Variants in SLC35A1 observed in about 807,000 individuals in gnomAD.
The protein encoded by SLC35A1 is CMP-sialic acid transporter.
In SLC35A1, 21 loss-of-function variants were observed where a neutral mutation model predicts 40.3. The observed-to-expected ratio is 0.52, with a 90% CI of 0.37 to 0.75. The LOEUF is 0.75. SLC35A1 is among the 30% of genes least tolerant of loss of function. The pLI, the probability that SLC35A1 is intolerant of heterozygous loss-of-function variation, is 0.00. For missense variants in SLC35A1, 297 were observed against 382.1 expected, an observed-to-expected ratio of 0.78 and a Z score of 1.86; for synonymous variants, 146 against 147.3, an observed-to-expected ratio of 0.99 and a Z score of 0.06.
Position 87,492,441 on chromosome 6 carries a change from GT to G in SLC35A1, c.195-8060del, listed in dbSNP as rs373941857. On this transcript the variant is annotated intron_variant, in intron 2 of 7. Transcript: ENST00000369552. ...ATTGAGTTTTATGATTAAATTTAGG[GT>G]TTTTTTGGGTCAGGGATATCATAGA... Among the ~76,000 whole-genome samples the G allele has an allele frequency of 1.1e-4, 16 of 151,010 alleles. No individual in the cohort carries two copies. In the South Asian group the frequency reaches 1.5e-3, roughly 14 times the overall value.
At chr6:87,507,225 A>T (rs1256449531) in intron 5 of SLC35A1, among the ~76,000 whole-genome samples, 1 of 152,202 alleles carries the variant, frequency 6.6e-6, no homozygotes, top group Non-Finnish European at 1.5e-5. Context: ...ATTTTTGACT[A>T]GGAAAGCAGG....
intron 2 of SLC35A1, among the ~76,000 whole-genome samples, chr6:87,493,371 A>G (rs1769615371): frequency 6.6e-6 from 1 of 152,162 alleles, no homozygotes; most frequent in Non-Finnish European, 1.5e-5. Flanking sequence ...TGGTATACAC[A>G]TTGATACTGG....
intron 5 of SLC35A1, among the ~76,000 whole-genome samples, chr6:87,507,574 T>A (rs776863222): frequency 2.8e-4 from 43 of 152,186 alleles, no homozygotes; most frequent in Non-Finnish European, 5.6e-4. Flanking sequence ...TATTTTATGT[T>A]CCCATTCCAA....
rs1362481874 is a variant in SLC35A1, at chr6:87,477,517, C to G, written c.172C>G (p.Leu58Val). Residue 58 changes from leucine to valine, a missense_variant, in exon 2 of 8, where the codon CTA becomes GTA. Physicochemically the swap from Leu to Val is conservative, Grantham distance 32 (BLOSUM62 1). Coordinates refer to ENST00000369552, the MANE Select transcript of SLC35A1 (RefSeq NM_006416.5). The stretch of plus-strand genomic sequence containing the variant: ...TATCACAGAAGTTATAAAGTTATTG[C>G]TAAGTGTGGGAATTTTAGCTAAGTG... Reference protein sequence around the residue: ...VCITEVIKLLLSVGILAKETG... With the variant: ...VCITEVIKLLVSVGILAKETG... The G allele has an allele frequency of 6.2e-7, 1 of 1,613,808 alleles. No individual in the cohort carries two copies. The highest frequency in any genetic ancestry group is 1.1e-5 in the South Asian group (1 of 91,072).
chr6:87,483,615 T>TCAACCCCTCAAACCAGGG (rs1433343663), intron 2 of SLC35A1, among the ~76,000 whole-genome samples: 1 of 152,078 alleles, frequency 6.6e-6, no homozygotes, highest in Non-Finnish European at 1.5e-5. Context: ...CCTGGAAGAC[T>TCAACCCCTCAAACCAGGG]CAACCCCTCA....
chr6:87,502,380 ATG>A (rs1769946333), intron 4 of SLC35A1, among the ~76,000 whole-genome samples: 1 of 152,208 alleles, frequency 6.6e-6, no homozygotes, highest in Admixed American at 6.5e-5. Context: ...TTAACAAAGA[ATG>A]TAAGTTCAGG....
At position 87,477,374 on chromosome 6, in the gene SLC35A1, T is replaced by C. The variant is rs780420730; in HGVS notation, c.29T>C (p.Leu10Ser). The C allele has an allele frequency of 1.7e-5, 27 of 1,613,292 alleles. No homozygotes were observed. In the East Asian group the frequency reaches 6.0e-4, roughly 36 times the overall value. ...ACGTATTTTCCAGACAATGTCACTT[T>C]ATTATTCAAGTTATACTGCTTGGCA... MAAPRDNVT[L>S]LFKLYCLAVM... The change falls in exon 2 of 8, where the codon TTA becomes TCA. Residue 10 changes from leucine to serine, a missense_variant. Leu to Ser is a moderately radical substitution (Grantham distance 145). Transcript: ENST00000369552.
chr6:87,485,627 G>A (rs1769369402), intron 2 of SLC35A1, among the ~76,000 whole-genome samples: 1 of 152,120 alleles, frequency 6.6e-6, no homozygotes, highest in Non-Finnish European at 1.5e-5. Context: ...GCTGGGTGTA[G>A]TGGTGTGTGG....
intron 2 of SLC35A1, among the ~76,000 whole-genome samples, chr6:87,491,201 T>C (rs1446906812): frequency 6.6e-6 from 1 of 152,214 alleles, no homozygotes; most frequent in Non-Finnish European, 1.5e-5. Context: ...ATCCCAAATC[T>C]GAAAACCTGA....
intron 2 of SLC35A1, among the ~76,000 whole-genome samples, chr6:87,485,644 T>G (rs1276476534): frequency 1.3e-5 from 2 of 152,032 alleles, no homozygotes; most frequent in Admixed American, 6.6e-5. Flanking sequence ...GTGGCTGTAG[T>G]CACAGCTACC....
chr6:87,492,254 T>C (rs1769575894), intron 2 of SLC35A1, among the ~76,000 whole-genome samples: 1 of 152,116 alleles, frequency 6.6e-6, no homozygotes, highest in African/African-American at 2.4e-5. Context: ...TATAGCAAAA[T>C]AGTTATTTTT....
intron 1 of SLC35A1, among the ~76,000 whole-genome samples, chr6:87,474,952 A>G (rs138405065): frequency 2.9e-4 from 44 of 152,288 alleles, no homozygotes; most frequent in African/African-American, 9.9e-4. Flanking sequence ...TTAAATATTC[A>G]CTTTGTTGTT....
intron 2 of SLC35A1, among the ~76,000 whole-genome samples, chr6:87,496,792 A>C (rs1262637783): frequency 1.7e-5 from 1 of 58,658 alleles, no homozygotes. Context: ...AAAAAAAAAA[A>C]AAGAAAAACC....
At chr6:87,494,955 G>C (rs1246909065) in intron 2 of SLC35A1, among the ~76,000 whole-genome samples, 2 of 151,804 alleles carry the variant, frequency 1.3e-5, no homozygotes, top group African/African-American at 2.4e-5. Flanking sequence ...ATATTGCCTT[G>C]GAACAAAGGA....
At position 87,495,816 on chromosome 6, in the gene SLC35A1, C is replaced by T. The variant is rs111752499; in HGVS notation, c.195-4692C>T. 6.1e-3 allele frequency among the ~76,000 whole-genome samples: 929 copies of T among 152,000 alleles called. 10 individuals are homozygous for T. Among genetic ancestry groups the T allele is most frequent in the African/African-American group, 0.02 (844 of 41,452 alleles). On this transcript the variant is annotated intron_variant, in intron 2 of 7. Transcript: ENST00000369552. ...GACTACAGGTGCATGCCACCACGCC[C>T]GGCTAATTTTTTGTATTTTTAGTAG...
chr6:87,506,911 G>C (rs558155787), intron 5 of SLC35A1: 1 of 178,034 alleles, frequency 5.6e-6, no homozygotes, highest in South Asian at 1.3e-4. Flanking sequence ...ATCATGAGGT[G>C]GGTCGAGAGT....
intron 2 of SLC35A1, among the ~76,000 whole-genome samples, chr6:87,482,013 C>T (rs1318119091): frequency 6.6e-6 from 1 of 152,172 alleles, no homozygotes; most frequent in East Asian, 1.9e-4. Flanking sequence ...ACACCTTGCA[C>T]ATAAACTGTT....
intron 2 of SLC35A1, among the ~76,000 whole-genome samples, chr6:87,487,664 G>C (rs1769426185): frequency 6.6e-6 from 1 of 152,196 alleles, no homozygotes; most frequent in East Asian, 1.9e-4. Flanking sequence ...CAGTGCGTCA[G>C]CCCTACAATG....
At chr6:87,505,514 T>C (rs547022748) in intron 4 of SLC35A1, among the ~76,000 whole-genome samples, 1 of 152,318 alleles carries the variant, frequency 6.6e-6, no homozygotes, top group East Asian at 1.9e-4. Context: ...ATTTAGTATG[T>C]ATCTTAGTCC....
Sources: gnomAD v4.1 joint callset for allele counts (sites outside exome capture counted in the v4.1 genomes callset) on GRCh38, gnomAD v4.1.1 for gene constraint, MANE v1.5 for transcripts, NCBI Gene and HGNC (gene_info 2026-07-23, HGNC 2026-07-21) for gene names.